DIO1: variants seen among roughly 807,000 people sequenced by gnomAD.
The protein encoded by DIO1 is iodothyronine deiodinase 1, also known as type I iodothyronine deiodinase.
A neutral mutation model predicts 25.9 loss-of-function variants in DIO1; 17 were observed. That is an observed-to-expected ratio of 0.66 (90% CI 0.45 to 0.98). The LOEUF is 0.98. DIO1 is among the 50% of genes least tolerant of loss of function. DIO1 has a pLI of 0.00. For synonymous variants in DIO1, 115 were observed against 114.0 expected (o/e 1.01, Z -0.05); for missense variants, 270 against 310.4 (o/e 0.87, Z 0.98).
intron 3 of DIO1, 66 bp from the exon 4 acceptor site, chr1:53,909,865 C>A: frequency 6.6e-7 from 1 of 1,510,782 alleles, no homozygotes; most frequent in Non-Finnish European, 9.2e-7. Flanking sequence ...AACCTCCAGA[C>A]CTACATGTTC....
intron 1 of DIO1, 71 bp from the exon 2 acceptor site, chr1:53,904,595 G>T: frequency 6.4e-7 from 1 of 1,557,514 alleles, no homozygotes; most frequent in Non-Finnish European, 8.7e-7. Context: ...TTGAACATAG[G>T]AGTGAAAATG....
chr1:53,895,143 G>A (rs749496436), intron 1 of DIO1, among the ~76,000 whole-genome samples: 18 of 152,136 alleles, frequency 1.2e-4, no homozygotes, highest in Non-Finnish European at 2.1e-4. Flanking sequence ...AAGAGCTCTC[G>A]GCTGGGCGTG....
chr1:53,895,061 C>T (rs1406186904), intron 1 of DIO1, among the ~76,000 whole-genome samples: 1 of 152,190 alleles, frequency 6.6e-6, no homozygotes, highest in Admixed American at 6.5e-5. Flanking sequence ...CAGGTCGAGA[C>T]CATTGCTCTC....
chr1:53,905,215 C>T (rs1043216065), intron 2 of DIO1, among the ~76,000 whole-genome samples: 1 of 138,724 alleles, frequency 7.2e-6, no homozygotes, highest in East Asian at 2.1e-4. Context: ...GTCGCCTGAG[C>T]TGGGGCTGGA....
intron 1 of DIO1, among the ~76,000 whole-genome samples, chr1:53,904,345 C>T (rs1350710286): frequency 6.6e-6 from 1 of 152,146 alleles, no homozygotes; most frequent in Non-Finnish European, 1.5e-5. Flanking sequence ...TTACTAATCC[C>T]ATCGCATGAC....
chr1:53,899,569 C>G (rs1651251129), intron 1 of DIO1, among the ~76,000 whole-genome samples: 1 of 152,372 alleles, frequency 6.6e-6, no homozygotes, highest in African/African-American at 2.4e-5. Flanking sequence ...ATGGCTCTGT[C>G]TCTTCCAGGG....
rs1255382304 is a variant in DIO1, at chr1:53,894,784, G to A, written c.337+237G>A. Among the ~76,000 whole-genome samples, 1 of 152,128 alleles carries A rather than the reference G, an allele frequency of 6.6e-6. No homozygotes were observed. The highest frequency in any genetic ancestry group is 2.1e-4 in the South Asian group (1 of 4,824). ...ATCCAGTCTGGCATTTCAGCCCCTG[G>A]AACACTGCTCTTACTGTACAGGCTG... On this transcript the variant is annotated intron_variant, in intron 1 of 3. Transcript: ENST00000361921. The surrounding 1 kb of genome is among the most constrained non-coding windows in gnomAD (Gnocchi z 4.9).
intron 1 of DIO1, among the ~76,000 whole-genome samples, chr1:53,900,088 C>T (rs984957296): frequency 3.9e-5 from 6 of 152,156 alleles, no homozygotes; most frequent in African/African-American, 1.4e-4. Flanking sequence ...AAAGTCTGAC[C>T]CAAGGACAAG....
At position 53,908,963 on chromosome 1, in the gene DIO1, G is replaced by A. The variant is rs186332713; in HGVS notation, c.682-968G>A. Reference sequence around the variant, plus strand: ...AAAAAAATTAGCCAGGCGTGGTGGCGTGTGCCTGTAATCCCAGCTACTTGT... The same window carrying A: ...AAAAAAATTAGCCAGGCGTGGTGGCATGTGCCTGTAATCCCAGCTACTTGT... On this transcript the variant is annotated intron_variant, in intron 3 of 3. Transcript: ENST00000361921. 1.7e-4 allele frequency among the ~76,000 whole-genome samples: 26 copies of A among 151,892 alleles called. 1 individual carries two copies. In the East Asian group the frequency reaches 4.3e-3, roughly 25 times the overall value.
Position 53,894,587 on chromosome 1 carries a change from G to A in DIO1, c.337+40G>A. On this transcript the variant is annotated intron_variant, in intron 1 of 3. Coordinates refer to ENST00000361921, the MANE Select transcript of DIO1 (RefSeq NM_000792.7). The surrounding 1 kb of genome is among the most constrained non-coding windows in gnomAD (Gnocchi z 4.9). ...ACACACTTGAGGGGTGCTTGAAATA[G>A]CAGTGGTAGAGGGGGATGAAGAGAT... 1 of 1,557,856 alleles carries A rather than the reference G, an allele frequency of 6.4e-7. No homozygotes were observed. Among genetic ancestry groups the A allele is most frequent in the Non-Finnish European group, 8.7e-7 (1 of 1,145,856 alleles).
chr1:53,903,985 T>C (rs1262637067), intron 1 of DIO1, among the ~76,000 whole-genome samples: 1 of 149,476 alleles, frequency 6.7e-6, no homozygotes, highest in Non-Finnish European at 1.5e-5. Flanking sequence ...TTCACTCTCT[T>C]TGTGGAGCTG....
intron 3 of DIO1, among the ~76,000 whole-genome samples, chr1:53,906,641 G>GT (rs1463377544): frequency 2.0e-5 from 3 of 151,172 alleles, no homozygotes; most frequent in African/African-American, 7.3e-5. Context: ...TTTGTTCTCT[G>GT]TTTTTTGGGT....
intron 3 of DIO1, among the ~76,000 whole-genome samples, chr1:53,907,835 C>CG (rs751050861): frequency 2.0e-5 from 3 of 148,198 alleles, no homozygotes; most frequent in Non-Finnish European, 3.0e-5. Flanking sequence ...CGCTTGTACC[C>CG]GGGAGGCAGA....
chr1:53,904,453 T>C (rs1219539822), intron 1 of DIO1, among the ~76,000 whole-genome samples: 2 of 152,078 alleles, frequency 1.3e-5, no homozygotes, highest in African/African-American at 4.8e-5. Context: ...TGAGACCACC[T>C]AAAAAAACCT....
At position 53,906,980 on chromosome 1, in the gene DIO1, G is replaced by A. The variant is rs1311264749; in HGVS notation, c.681+686G>A. On this transcript the variant is annotated intron_variant, in intron 3 of 3. Transcript: ENST00000361921. ...GTTTTTGTTTTATGAACAATGTTCA[G>A]AGAGGGGAATTGACTTGTCCAAGGT... is the stretch of plus-strand genomic sequence containing the variant. Among the ~76,000 whole-genome samples the A allele has an allele frequency of 3.3e-5, 5 of 152,184 alleles. No homozygotes were observed. In the South Asian group the frequency reaches 6.2e-4, roughly 19 times the overall value.
At chr1:53,908,417 G>A (rs752758407) in intron 3 of DIO1, among the ~76,000 whole-genome samples, 3 of 152,070 alleles carry the variant, frequency 2.0e-5, no homozygotes, top group Non-Finnish European at 2.9e-5. Context: ...AATCCCTGTC[G>A]CAACAATTCA....
At chr1:53,905,164 T>A (rs369511894) in intron 2 of DIO1, among the ~76,000 whole-genome samples, 8 of 137,118 alleles carry the variant, frequency 5.8e-5, no homozygotes, top group African/African-American at 2.3e-4. Flanking sequence ...GCCTTATGGC[T>A]ATTTTTTTTT....
At position 53,894,385 on chromosome 1, in the gene DIO1, G is replaced by A; in HGVS notation, c.175G>A (p.Asp59Asn). 3.1e-6 allele frequency: 5 copies of A among 1,614,224 alleles called. No individual in the cohort carries two copies. Among genetic ancestry groups the A allele is most frequent in the Non-Finnish European group, 4.2e-6 (5 of 1,180,034 alleles). ...GMTRNPHFSH[D>N]NWIPTFFSTQ... ...GACCAGGAACCCCCATTTCAGCCAC[G>A]ACAACTGGATACCAACCTTTTTCAG... is the stretch of plus-strand genomic sequence containing the variant. Residue 59 changes from aspartate to asparagine, a missense_variant, in exon 1 of 4, where the codon GAC becomes AAC. Asp to Asn is a conservative substitution (Grantham distance 23, BLOSUM62 1). Coordinates refer to ENST00000361921, the MANE Select transcript of DIO1 (RefSeq NM_000792.7). This position sits in a 1 kb window ranked among gnomAD's most constrained non-coding sequence, Gnocchi z 4.9.
At chr1:53,905,011 G>C (rs142954223) in intron 2 of DIO1, among the ~76,000 whole-genome samples, 2 of 152,266 alleles carry the variant, frequency 1.3e-5, no homozygotes, top group South Asian at 2.1e-4. Context: ...AGGGTACAGA[G>C]AGCAGAACAC....
Sources: gnomAD v4.1 joint callset for allele counts (sites outside exome capture counted in the v4.1 genomes callset) on GRCh38, gnomAD v4.1.1 for gene constraint, Gnocchi (gnomAD v3.1) non-coding constraint, MANE v1.5 for transcripts, NCBI Gene and HGNC (gene_info 2026-07-23, HGNC 2026-07-21) for gene names.